The following SLC38A4 variants were observed in gnomAD, a reference collection of about 807,000 sequenced individuals.
The protein encoded by SLC38A4 is solute carrier family 38 member 4.
A neutral mutation model predicts 63.1 loss-of-function variants in SLC38A4; 20 were observed. That is an observed-to-expected ratio of 0.32 (90% CI 0.22 to 0.46). The LOEUF (loss-of-function observed/expected upper bound fraction) is 0.46, where lower values mean the gene tolerates loss of function less well. Among genes scored for constraint, SLC38A4 ranks in the 20% least tolerant of loss-of-function variants. The pLI, the probability that SLC38A4 is intolerant of heterozygous loss-of-function variation, is 1.00. For missense variants in SLC38A4, 526 were observed against 663.6 expected (o/e 0.79, Z 2.28); for synonymous variants, 230 against 225.5 (o/e 1.02, Z -0.18).
chr12:46,782,181 A>G (rs1164612337), intron 7 of SLC38A4, among the ~76,000 whole-genome samples: 1 of 152,084 alleles, frequency 6.6e-6, no homozygotes, highest in Non-Finnish European at 1.5e-5. Context: ...ATTACTAAAG[A>G]AATTTCTGCA....
chr12:46,789,370 AATT>A (rs1363730403), intron 3 of SLC38A4, among the ~76,000 whole-genome samples: 2 of 152,184 alleles, frequency 1.3e-5, no homozygotes, highest in Non-Finnish European at 2.9e-5. Context: ...AAACTAAGGA[AATT>A]ATTAAAGCAA....
At chr12:46,793,744 C>G (rs1040065290) in intron 2 of SLC38A4, among the ~76,000 whole-genome samples, 1 of 152,048 alleles carries the variant, frequency 6.6e-6, no homozygotes, top group African/African-American at 2.4e-5. Context: ...GATCCTGAAG[C>G]CAAAGTTAAG....
chr12:46,787,144 G>T (rs150221228), intron 5 of SLC38A4, among the ~76,000 whole-genome samples: 3 of 152,190 alleles, frequency 2.0e-5, no homozygotes, highest in Non-Finnish European at 4.4e-5. Flanking sequence ...GTGAAAGTAC[G>T]TAGGTTTAGG....
Position 46,778,541 on chromosome 12 carries a change from T to A in SLC38A4, c.953A>T (p.Asp318Val). 6.2e-7 allele frequency: 1 copy of A among 1,612,882 alleles called. No homozygotes were observed. Among genetic ancestry groups the A allele is most frequent in the Middle Eastern group, 1.7e-4 (1 of 6,048 alleles). The change falls in exon 11 of 17, where the codon GAT becomes GTT. Residue 318 changes from aspartate to valine, a missense_variant. Physicochemically the swap from Asp to Val is radical, Grantham distance 152. Coordinates refer to ENST00000266579, the MANE Select transcript of SLC38A4 (RefSeq NM_018018.5). ...AAAGTATTTGGGTTCACACTTGTCA[T>A]CACTATGAGCTTCATATTCTACTCC... ...DSGVEYEAHS[D>V]DKCEPKYFVF...
At chr12:46,785,827 G>A (rs1045403038) in intron 5 of SLC38A4, among the ~76,000 whole-genome samples, 10 of 147,316 alleles carry the variant, frequency 6.8e-5, no homozygotes, top group Admixed American at 1.4e-4. Context: ...ATGTTTATAC[G>A]GATTGGTATT....
At chr12:46,782,354 A>G (rs938185928) in intron 7 of SLC38A4, among the ~76,000 whole-genome samples, 2 of 152,054 alleles carry the variant, frequency 1.3e-5, no homozygotes, top group African/African-American at 4.8e-5. Context: ...AAATTATGGC[A>G]CATTTGTGTA....
intron 7 of SLC38A4, among the ~76,000 whole-genome samples, chr12:46,784,334 G>T (rs1938713483): frequency 1.3e-5 from 2 of 151,972 alleles, no homozygotes; most frequent in African/African-American, 4.8e-5. Flanking sequence ...AATTGGCAGG[G>T]TTTTATATGT....
In SLC38A4 at chr12:46,787,923, G is replaced by A. The variant is rs775511047; in HGVS notation, c.319C>T (p.Leu107Phe). Residue 107 changes from leucine (L) to phenylalanine (F), a missense_variant, in exon 5 of 17, where the codon CTT becomes TTT. Leu to Phe is a conservative substitution (Grantham distance 22). Coordinates refer to ENST00000266579, the MANE Select transcript of SLC38A4 (RefSeq NM_018018.5). ...ACATATACATTCACTTACATAAAAA[G>A]TATGATCCCTGTGTTGGCCATGGCA... ...SYAMANTGII[L>F]FIIMLLAVAI... is the part of the protein sequence containing the mutation. 6.2e-7 allele frequency: 1 copy of A among 1,611,036 alleles called. No individual in the cohort carries two copies. The highest frequency in any genetic ancestry group is 1.3e-5 in the African/African-American group (1 of 74,840).
chr12:46,802,778 A>G (rs1939157421), intron 2 of SLC38A4, among the ~76,000 whole-genome samples: 1 of 151,996 alleles, frequency 6.6e-6, no homozygotes, highest in Non-Finnish European at 1.5e-5. Context: ...CTGAGTTACA[A>G]AACACTCTTA....
upstream of SLC38A4, among the ~76,000 whole-genome samples, chr12:46,830,752 C>T (rs1169214576): frequency 1.3e-5 from 2 of 152,178 alleles, no homozygotes; most frequent in African/African-American, 4.8e-5. Context: ...CCAGGATGGG[C>T]TTATTGCTCT....
chr12:46,778,022 A>G (rs180744709), intron 12 of SLC38A4, among the ~76,000 whole-genome samples: 7 of 152,054 alleles, frequency 4.6e-5, no homozygotes, highest in Non-Finnish European at 7.4e-5. Flanking sequence ...ACCTGCCAAA[A>G]TTATTACAAC....
chr12:46,825,178 T>C (rs1181005247), intron 1 of SLC38A4, among the ~76,000 whole-genome samples: 1 of 148,492 alleles, frequency 6.7e-6, no homozygotes, highest in Non-Finnish European at 1.5e-5. Context: ...ATACGAAGTT[T>C]AAATGTCAGC....
At chr12:46,816,259 A>T (rs1023665408) in intron 1 of SLC38A4, among the ~76,000 whole-genome samples, 1 of 151,896 alleles carries the variant, frequency 6.6e-6, no homozygotes, top group Non-Finnish European at 1.5e-5. Context: ...TAAGTTACTT[A>T]TTATTATTAC....
At chr12:46,784,340 T>A (rs1044031387) in intron 7 of SLC38A4, among the ~76,000 whole-genome samples, 1 of 152,180 alleles carries the variant, frequency 6.6e-6, no homozygotes, top group South Asian at 2.1e-4. Flanking sequence ...CAGGGTTTTA[T>A]ATGTTATTTC....
chr12:46,804,178 C>T (rs1392190975), intron 1 of SLC38A4, among the ~76,000 whole-genome samples: 2 of 151,776 alleles, frequency 1.3e-5, no homozygotes, highest in Non-Finnish European at 2.9e-5. Flanking sequence ...CAAATACTTC[C>T]AAACGGTACA....
intron 15 of SLC38A4, 42 bp downstream of exon 15, chr12:46,769,242 G>A (rs780380180): frequency 1.9e-5 from 30 of 1,606,986 alleles, no homozygotes; most frequent in East Asian, 1.8e-4. Context: ...TTAATGAGGC[G>A]TGAGTTTGGG....
intron 5 of SLC38A4, among the ~76,000 whole-genome samples, chr12:46,785,398 A>G (rs971912305): frequency 8.2e-4 from 1 of 1,224 alleles, no homozygotes; most frequent in Non-Finnish European, 5.5e-3. Flanking sequence ...GAAGTCCCTA[A>G]CTTTTTTAAT....
chr12:46,821,799 G>T (rs1048886067), intron 1 of SLC38A4, among the ~76,000 whole-genome samples: 4 of 151,996 alleles, frequency 2.6e-5, no homozygotes, highest in African/African-American at 9.7e-5. Flanking sequence ...GCATTTTAAC[G>T]ATGTTAAGTC....
chr12:46,792,856 C>T (rs1938918905), intron 3 of SLC38A4, 97 bp downstream of exon 3: 5 of 817,392 alleles, frequency 6.1e-6, no homozygotes, highest in Admixed American at 1.8e-5. Flanking sequence ...CACAAATTTA[C>T]CTGTAATAAA....
Sources: gnomAD v4.1 joint callset for allele counts (sites outside exome capture counted in the v4.1 genomes callset) on GRCh38, gnomAD v4.1.1 for gene constraint, MANE v1.5 for transcripts, NCBI Gene and HGNC (gene_info 2026-07-23, HGNC 2026-07-21) for gene names.